DOCK5: variants seen among roughly 807,000 people sequenced by gnomAD.
DOCK5 encodes the protein dedicator of cytokinesis protein 5.
Under a neutral mutation model 251.8 loss-of-function variants are expected in DOCK5, and 142 were observed. The observed-to-expected ratio is 0.56, with a 90% CI of 0.49 to 0.65. The LOEUF is 0.65. Among genes scored for constraint, DOCK5 ranks in the 30% least tolerant of loss-of-function variants. The probability of loss-of-function intolerance (pLI) is 0.00; values close to 1 mark genes in which losing one functional copy is unlikely to be tolerated. For missense variants in DOCK5, 2,111 were observed against 2,312.3 expected (o/e 0.91, Z 1.79); for synonymous variants, 842 against 835.5 (o/e 1.01, Z -0.13).
chr8:25,219,964 T>C (rs1329794917), intron 1 of DOCK5, among the ~76,000 whole-genome samples: 1 of 152,094 alleles, frequency 6.6e-6, no homozygotes, highest in Non-Finnish European at 1.5e-5. Flanking sequence ...GTGAAATTTC[T>C]AACAGATGTT....
chr8:25,319,331 A>C (rs1805357596), intron 14 of DOCK5, among the ~76,000 whole-genome samples: 1 of 152,170 alleles, frequency 6.6e-6, no homozygotes, highest in Admixed American at 6.5e-5. Flanking sequence ...AAGTTACAGG[A>C]AAGAAGAATA....
chr8:25,382,470 A>T (rs962067519), intron 39 of DOCK5, among the ~76,000 whole-genome samples: 1 of 152,208 alleles, frequency 6.6e-6, no homozygotes, highest in Non-Finnish European at 1.5e-5. Flanking sequence ...AGGGAGTCAC[A>T]GCCTTCCAAC....
At chr8:25,197,271 G>A (rs967605026) in intron 1 of DOCK5, among the ~76,000 whole-genome samples, 7 of 152,154 alleles carry the variant, frequency 4.6e-5, no homozygotes, top group Non-Finnish European at 1.0e-4. Context: ...GGATGAGCAC[G>A]TTAATTGTGT....
chr8:25,283,023 C>G (rs17053298), intron 5 of DOCK5, among the ~76,000 whole-genome samples: 5,429 of 152,116 alleles, frequency 0.036, 339 homozygotes, highest in African/African-American at 0.12. Context: ...ACCAGATTAA[C>G]CCCAGCCATG....
At chr8:25,189,894 G>A (rs749140212) in intron 1 of DOCK5, among the ~76,000 whole-genome samples, 9 of 152,048 alleles carry the variant, frequency 5.9e-5, no homozygotes, top group Non-Finnish European at 8.8e-5. Context: ...TTGCTTATTT[G>A]TTTGTATTTT....
intron 43 of DOCK5, 72 bp downstream of exon 43, chr8:25,392,052 C>G (rs1801269072): frequency 1.3e-5 from 19 of 1,447,066 alleles, no homozygotes; most frequent in Non-Finnish European, 1.7e-5. Flanking sequence ...GCCTGTAATC[C>G]CAGCATTCTG....
At chr8:25,353,193 A>G (rs1184321497) in intron 27 of DOCK5, among the ~76,000 whole-genome samples, 1 of 152,210 alleles carries the variant, frequency 6.6e-6, no homozygotes, top group Non-Finnish European at 1.5e-5. Context: ...TTAAAAAATT[A>G]GCCAGGTGCA....
At chr8:25,388,068 C>G (rs918654844) in intron 40 of DOCK5, among the ~76,000 whole-genome samples, 2 of 152,138 alleles carry the variant, frequency 1.3e-5, no homozygotes, top group Non-Finnish European at 2.9e-5. Context: ...AGTTTTTACT[C>G]CCTTCATTCA....
intron 1 of DOCK5, among the ~76,000 whole-genome samples, chr8:25,189,655 C>T (rs1051767153): frequency 5.3e-5 from 8 of 152,110 alleles, no homozygotes; most frequent in African/African-American, 1.9e-4. Flanking sequence ...GCCACCACAC[C>T]CAGCCTTATT....
chr8:25,226,282 G>A (rs1157157568), intron 1 of DOCK5, among the ~76,000 whole-genome samples: 2 of 85,676 alleles, frequency 2.3e-5, no homozygotes, highest in Admixed American at 1.4e-4. Flanking sequence ...TTTTTTTTTG[G>A]ACAGAGTCTC....
intron 14 of DOCK5, 99 bp downstream of exon 14, chr8:25,317,230 G>A (rs1457796998): frequency 4.0e-6 from 6 of 1,517,132 alleles, no homozygotes; most frequent in African/African-American, 1.4e-5. Context: ...CATCAGGATG[G>A]GTTTGATTTT....
intron 26 of DOCK5, among the ~76,000 whole-genome samples, chr8:25,350,996 A>G (rs894148888): frequency 1.3e-5 from 2 of 151,986 alleles, no homozygotes; most frequent in African/African-American, 4.8e-5. Context: ...AGAGCTTTGT[A>G]TTTTTGCCTT....
At chr8:25,377,220 G>A (rs1800978210) in intron 37 of DOCK5, 85 bp from the exon 38 acceptor site, 1 of 1,454,920 alleles carries the variant, frequency 6.9e-7, no homozygotes, top group Admixed American at 2.7e-5. Context: ...AAATCAATGA[G>A]TCAAATATAT....
At chr8:25,330,827 C>T (rs1249829999) in intron 18 of DOCK5, among the ~76,000 whole-genome samples, 1 of 152,140 alleles carries the variant, frequency 6.6e-6, no homozygotes, top group African/African-American at 2.4e-5. Context: ...ATTTGGGAGG[C>T]ACTCTGGGAG....
At chr8:25,220,438 A>T (rs1340901238) in intron 1 of DOCK5, among the ~76,000 whole-genome samples, 3 of 152,090 alleles carry the variant, frequency 2.0e-5, no homozygotes, top group African/African-American at 7.2e-5. Context: ...GGCAATTCAG[A>T]TTCTCCAGGA....
chr8:25,298,780 T>G (rs2956656), intron 7 of DOCK5, among the ~76,000 whole-genome samples, 164 bp from the exon 8 acceptor site: 151,653 of 152,212 alleles, frequency 1, 75,550 homozygotes, highest in Middle Eastern at 1. Context: ...GCCCAGGCTG[T>G]TCTCAAATTC....
At chr8:25,275,475 G>T in intron 4 of DOCK5, 34 bp downstream of exon 4, 1 of 1,567,396 alleles carries the variant, frequency 6.4e-7, no homozygotes, top group Non-Finnish European at 8.7e-7. Flanking sequence ...CCCCAAAAAT[G>T]ATGAAGATGT....
chr8:25,262,995 G>C (rs760863849), intron 2 of DOCK5, among the ~76,000 whole-genome samples: 3 of 151,058 alleles, frequency 2.0e-5, no homozygotes, highest in Non-Finnish European at 4.4e-5. Flanking sequence ...TGTAGTGTAA[G>C]CAGCAGAGGC....
chr8:25,382,069 A>T (rs1228515580), intron 39 of DOCK5, among the ~76,000 whole-genome samples: 1 of 152,132 alleles, frequency 6.6e-6, no homozygotes, highest in Non-Finnish European at 1.5e-5. Flanking sequence ...GCTGGAGTGC[A>T]GTGGTGCAGT....
Sources: allele counts gnomAD v4.1 joint callset (sites outside exome capture counted in the v4.1 genomes callset), GRCh38; gene constraint gnomAD v4.1.1; transcripts MANE v1.5; gene names NCBI Gene and HGNC (gene_info 2026-07-23, HGNC 2026-07-21).